FRK: variants seen among roughly 807,000 people sequenced by gnomAD.
The protein encoded by FRK is fyn related Src family tyrosine kinase, also known as tyrosine-protein kinase FRK.
FRK carries 51 observed loss-of-function variants against 56.4 expected under a neutral mutation model. The observed-to-expected ratio is 0.90, with a 90% CI of 0.72 to 1.14. The LOEUF (loss-of-function observed/expected upper bound fraction) is 1.14, where lower values mean the gene tolerates loss of function less well. FRK is among the 50% of genes most tolerant of loss of function. The pLI, the probability that FRK is intolerant of heterozygous loss-of-function variation, is 0.00. For synonymous variants in FRK, 245 were observed against 217.9 expected (o/e 1.12, Z -1.10); for missense variants, 570 against 601.4 (o/e 0.95, Z 0.55).
the FRK span, among the ~76,000 whole-genome samples, chr6:116,091,260 C>A: frequency 1.8e-4 from 28 of 152,158 alleles, no homozygotes; most frequent in African/African-American, 6.5e-4. Flanking sequence ...AGCTCTGTGT[C>A]TAGCTAAAGG....
intron 2 of FRK, among the ~76,000 whole-genome samples, chr6:115,987,328 A>G (rs1205003419): frequency 6.6e-6 from 1 of 152,052 alleles, no homozygotes; most frequent in Middle Eastern, 3.2e-3. Context: ...CTAGTAATAG[A>G]AAGAACCCAA....
At chr6:116,035,001 G>A (rs913590278) in intron 1 of FRK, among the ~76,000 whole-genome samples, 2 of 152,010 alleles carry the variant, frequency 1.3e-5, no homozygotes, top group Non-Finnish European at 2.9e-5. Flanking sequence ...TGTTGAAGTT[G>A]AGTAATGGTA....
rs1771964580 is a variant in FRK at position 115,931,924 on chromosome 6, G to A, written c.*10490C>T. On this transcript the variant is annotated 3_prime_UTR_variant, in exon 8 of 8. Transcript: ENST00000606080. ...ATACTTCCAACTGGACACTTGAGGT[G>A]TGTTTGAGATATAGCACCCTTTTCT... 1 of 152,180 alleles carries A rather than the reference G, an allele frequency of 6.6e-6. No homozygotes were observed. Among genetic ancestry groups the A allele is most frequent in the Admixed American group, 6.5e-5 (1 of 15,274 alleles). The allele number at this position is 152,180 out of a possible 1,614,324, so 9.4% of individuals were successfully genotyped here.
rs1263795983 is a variant in FRK, at chr6:115,958,830, A to AAG, written c.800-2222_800-2221dup. On this transcript the variant is annotated intron_variant, in intron 4 of 7. Coordinates refer to ENST00000606080, the MANE Select transcript of FRK (RefSeq NM_002031.3). ...AGAAAGAAAGAAAGAAAAAGAAAGA[A>AAG]AGAAAGAAAGAGAAAGGAAAAAGAA... 1.3e-5 allele frequency among the ~76,000 whole-genome samples: 2 copies of AAG among 150,492 alleles called. 1 individual carries two copies. The highest frequency in any genetic ancestry group is 3.0e-5 in the Non-Finnish European group (2 of 67,512).
At chr6:116,042,174 G>A (rs988038357) in intron 1 of FRK, among the ~76,000 whole-genome samples, 4 of 152,160 alleles carry the variant, frequency 2.6e-5, no homozygotes, top group African/African-American at 9.7e-5. Flanking sequence ...CTGCAAAGCC[G>A]CTGTAGCCAG....
At chr6:116,064,319 C>G (rs1000358199), upstream of FRK, among the ~76,000 whole-genome samples, 7 of 152,134 alleles carry the variant, frequency 4.6e-5, no homozygotes, top group Non-Finnish European at 8.8e-5. Flanking sequence ...TGGTTGAGCC[C>G]CTCTTTGGTT....
Position 116,060,337 on chromosome 6 carries a change from C to G in FRK, c.-26G>C, listed in dbSNP as rs1448827314. ...TGTGCCTTGGTGGGGAGAAGAGGAG[C>G]AGGGCTTCTCCCTCTCCCCTTAGTC... On this transcript the variant is annotated 5_prime_UTR_variant, in exon 1 of 8. Coordinates refer to ENST00000606080, the MANE Select transcript of FRK (RefSeq NM_002031.3). 6.4e-7 allele frequency: 1 copy of G among 1,569,876 alleles called. No individual in the cohort carries two copies. Among genetic ancestry groups the G allele is most frequent in the African/African-American group, 1.4e-5 (1 of 73,890 alleles).
At position 115,983,441 on chromosome 6, in the gene FRK, A is replaced by C. The variant is rs532521588; in HGVS notation, c.467-14702T>G. Among the ~76,000 whole-genome samples the C allele has an allele frequency of 1.2e-4, 18 of 152,294 alleles. No homozygotes were observed. The South Asian group carries it at 3.7e-3, about 32-fold the overall frequency. On this transcript the variant is annotated intron_variant, in intron 2 of 7. Transcript: ENST00000606080. ...GATGATAATGCTTTGGATAAAGTCTATTCTATGACTGACACCTCTTAAAGG... is the reference window on the plus strand; with the variant it reads ...GATGATAATGCTTTGGATAAAGTCTCTTCTATGACTGACACCTCTTAAAGG...
intron 2 of FRK, 98 bp downstream of exon 2, chr6:116,003,779 T>C: frequency 7.2e-7 from 1 of 1,396,196 alleles, no homozygotes; most frequent in Non-Finnish European, 9.8e-7. Context: ...AGATAAGAAA[T>C]AAGGCAAATT....
At chr6:115,975,282 T>C (rs1338355906) in intron 2 of FRK, among the ~76,000 whole-genome samples, 3 of 152,120 alleles carry the variant, frequency 2.0e-5, no homozygotes, top group African/African-American at 4.8e-5. Flanking sequence ...CATTTATATA[T>C]GGTTCCTTCA....
chr6:116,033,357 A>T (rs1229791533), intron 1 of FRK, among the ~76,000 whole-genome samples: 1 of 152,172 alleles, frequency 6.6e-6, no homozygotes, highest in Non-Finnish European at 1.5e-5. Flanking sequence ...TTAATATAAA[A>T]ATAAATTACT....
At chr6:115,942,906 G>T in intron 7 of FRK, 114 bp downstream of exon 7, 1 of 1,014,406 alleles carries the variant, frequency 9.9e-7, no homozygotes, top group Non-Finnish European at 1.4e-6. Flanking sequence ...GCTCCCGCAG[G>T]TATGGTATGG....
chr6:116,012,192 T>A (rs2114714899), intron 1 of FRK, among the ~76,000 whole-genome samples: 1 of 152,184 alleles, frequency 6.6e-6, no homozygotes, highest in South Asian at 2.1e-4. Context: ...TCTCAGACTC[T>A]CCCCCTTGCT....
chr6:116,010,191 G>A (rs1306386769), intron 1 of FRK, among the ~76,000 whole-genome samples: 3 of 151,588 alleles, frequency 2.0e-5, no homozygotes, highest in Non-Finnish European at 4.4e-5. Flanking sequence ...CATCGCCTGG[G>A]CAACAGAGTG....
At chr6:116,089,440 T>C in the FRK span, among the ~76,000 whole-genome samples, 2 of 152,334 alleles carry the variant, frequency 1.3e-5, no homozygotes, top group African/African-American at 4.8e-5. Context: ...ATTAGTTTGC[T>C]AGGGCTGCCA....
At chr6:115,959,815 T>G (rs1353436919) in intron 4 of FRK, among the ~76,000 whole-genome samples, 1 of 152,188 alleles carries the variant, frequency 6.6e-6, no homozygotes, top group East Asian at 1.9e-4. Flanking sequence ...TTGTCTGAAG[T>G]CACAGAGGGC....
intron 2 of FRK, chr6:116,002,784 C>T (rs1775111955): frequency 4.5e-6 from 2 of 443,394 alleles, no homozygotes; most frequent in Non-Finnish European, 9.2e-6. Context: ...AAGTACGGAC[C>T]CTCGGCAACA....
chr6:116,008,323 T>G (rs568460884), intron 1 of FRK, among the ~76,000 whole-genome samples: 3 of 152,332 alleles, frequency 2.0e-5, no homozygotes, highest in Admixed American at 6.5e-5. Flanking sequence ...TTGGTACAAT[T>G]ACTTTACAAA....
At chr6:116,024,091 CACACA>C (rs1472327245) in intron 1 of FRK, among the ~76,000 whole-genome samples, 1 of 151,486 alleles carries the variant, frequency 6.6e-6, no homozygotes, top group African/African-American at 2.4e-5. Context: ...CACACACACA[CACACA>C]CACATTAGAC....
Sources: gnomAD v4.1 joint callset for allele counts (sites outside exome capture counted in the v4.1 genomes callset) on GRCh38, gnomAD v4.1.1 for gene constraint, MANE v1.5 for transcripts, NCBI Gene and HGNC (gene_info 2026-07-23, HGNC 2026-07-21) for gene names.